The following NFIB variants were observed in gnomAD, a reference collection of about 807,000 sequenced individuals.
NFIB encodes nuclear factor I B.
In NFIB, 11 loss-of-function variants were observed where a neutral mutation model predicts 61.5. The observed-to-expected ratio is 0.18, with a 90% confidence interval of 0.11 to 0.30. The LOEUF is 0.30. NFIB is among the 10% of genes least tolerant of loss of function. The pLI is 1.00. For missense variants in NFIB, 471 were observed against 608.9 expected (o/e 0.77, Z 2.38); for synonymous variants, 260 against 216.5 (o/e 1.20, Z -1.76).
intron 2 of NFIB, among the ~76,000 whole-genome samples, chr9:14,295,958 C>T (rs1487086694): frequency 6.6e-6 from 1 of 152,082 alleles, no homozygotes; most frequent in Admixed American, 6.5e-5. Context: ...CTTCTAAAAC[C>T]ATACAATCAT....
intron 1 of NFIB, among the ~76,000 whole-genome samples, chr9:14,370,223 G>T (rs750995407): frequency 2.0e-5 from 3 of 152,118 alleles, no homozygotes; most frequent in Non-Finnish European, 2.9e-5. Context: ...ACCCCCATCG[G>T]ACTCAAGGAC....
At chr9:14,422,747 A>T in the NFIB span, among the ~76,000 whole-genome samples, 1 of 152,202 alleles carries the variant, frequency 6.6e-6, no homozygotes, top group East Asian at 1.9e-4. Flanking sequence ...ACCAGAATCC[A>T]GTGACCACTT....
intron 4 of NFIB, among the ~76,000 whole-genome samples, chr9:14,151,436 T>C (rs1375605888): frequency 6.6e-6 from 1 of 152,004 alleles, no homozygotes; most frequent in Admixed American, 6.6e-5. Flanking sequence ...TTGCCCTTAA[T>C]AAAAATATTG....
At chr9:14,252,664 T>TC (rs34439255) in intron 2 of NFIB, among the ~76,000 whole-genome samples, 3 of 151,782 alleles carry the variant, frequency 2.0e-5, no homozygotes, top group Non-Finnish European at 4.4e-5. Flanking sequence ...TATCTGTTAC[T>TC]ACTGGATACA....
In NFIB at chr9:14,313,232, C is replaced by T. The variant is rs1321443535; in HGVS notation, c.30+250G>A. ...ACAGGTCCCGGCCCTGCCCACCCCCCGGCGGCCTTGCCCGGCCCAGCGCCC... is the reference window on the plus strand; with the variant it reads ...ACAGGTCCCGGCCCTGCCCACCCCCTGGCGGCCTTGCCCGGCCCAGCGCCC... On this transcript the variant is annotated intron_variant, in intron 1 of 10. Transcript: ENST00000380953. This position sits in a 1 kb window ranked among gnomAD's most constrained non-coding sequence, Gnocchi z 4.5. 6.6e-6 allele frequency among the ~76,000 whole-genome samples: 1 copy of T among 151,674 alleles called. No individual in the cohort carries two copies. Among genetic ancestry groups the T allele is most frequent in the East Asian group, 1.9e-4 (1 of 5,168 alleles).
intron 2 of NFIB, among the ~76,000 whole-genome samples, chr9:14,232,195 A>T (rs2053269227): frequency 6.6e-6 from 1 of 152,198 alleles, no homozygotes; most frequent in South Asian, 2.1e-4. Flanking sequence ...GAAGAAAAAA[A>T]CGTATGCCAT....
At chr9:14,346,512 A>C (rs967727416) in intron 1 of NFIB, among the ~76,000 whole-genome samples, 2 of 152,064 alleles carry the variant, frequency 1.3e-5, no homozygotes, top group African/African-American at 4.8e-5. Flanking sequence ...CCCCAGGCCC[A>C]GCAGTCCACG....
At chr9:14,427,937 G>GTGTTTTTTTTTTT in the NFIB span, among the ~76,000 whole-genome samples, 1 of 43,384 alleles carries the variant, frequency 2.3e-5, no homozygotes, top group African/African-American at 7.8e-5. Context: ...TAATTCAGTT[G>GTGTTTTTTTTTTT]TTTTTTTTTT....
chr9:14,341,332 G>C (rs1461042482), intron 1 of NFIB, among the ~76,000 whole-genome samples: 2 of 152,160 alleles, frequency 1.3e-5, no homozygotes, highest in East Asian at 1.9e-4. Context: ...CAATGAGAAG[G>C]GGTGCTTCCA....
intron 4 of NFIB, among the ~76,000 whole-genome samples, chr9:14,155,555 A>G (rs893308088): frequency 1.4e-4 from 22 of 152,226 alleles, no homozygotes; most frequent in Non-Finnish European, 1.6e-4. Context: ...ATCTATGGTC[A>G]TGCAGAGAAC....
chr9:14,218,319 TAAC>T (rs2051196296), intron 2 of NFIB, among the ~76,000 whole-genome samples: 1 of 152,188 alleles, frequency 6.6e-6, no homozygotes. Flanking sequence ...TGACTCCAAA[TAAC>T]AACCTCAAAA....
intron 1 of NFIB, among the ~76,000 whole-genome samples, chr9:14,374,790 G>T (rs957895546): frequency 2.0e-5 from 3 of 152,148 alleles, no homozygotes; most frequent in Non-Finnish European, 4.4e-5. Context: ...TGTGCTTGTA[G>T]ATCCAGTTAC....
At chr9:14,510,542 A>G in the NFIB span, among the ~76,000 whole-genome samples, 419 of 152,350 alleles carry the variant, frequency 2.8e-3, 1 homozygote, top group Non-Finnish European at 4.7e-3. Context: ...TTTGCATATA[A>G]CATATTATAA....
chr9:14,204,464 C>T (rs1316172188), intron 2 of NFIB: 20 of 1,046,348 alleles, frequency 1.9e-5, no homozygotes, highest in South Asian at 2.5e-5. Context: ...CCTCTATAAG[C>T]GACTGAAAAT....
At chr9:14,481,221 A>G in the NFIB span, among the ~76,000 whole-genome samples, 9 of 99,350 alleles carry the variant, frequency 9.1e-5, no homozygotes, top group African/African-American at 1.8e-4. Context: ...ATATATATAT[A>G]TATATATATA....
At position 14,120,057 on chromosome 9, in the gene NFIB, G is replaced by C. The variant is rs573538150; in HGVS notation, c.1245+383C>G. On this transcript the variant is annotated intron_variant, in intron 8 of 10. Coordinates refer to ENST00000380953, the MANE Select transcript of NFIB (RefSeq NM_001190737.2). The surrounding 1 kb of genome is among the most constrained non-coding windows in gnomAD (Gnocchi z 4.4). The stretch of plus-strand genomic sequence containing the variant: ...TATAAATACAACTGTAAGTTCTTTT[G>C]TGTGTGTTTATTTTAGCACATACCT... Among the ~76,000 whole-genome samples the C allele has an allele frequency of 6.6e-6, 1 of 152,206 alleles. No individual in the cohort carries two copies. Among genetic ancestry groups the C allele is most frequent in the Non-Finnish European group, 1.5e-5 (1 of 68,006 alleles).
At chr9:14,286,628 T>A (rs1027191176) in intron 2 of NFIB, among the ~76,000 whole-genome samples, 2 of 152,180 alleles carry the variant, frequency 1.3e-5, no homozygotes, top group Non-Finnish European at 2.9e-5. Flanking sequence ...ATGGGAACAC[T>A]TAAGAAAAAA....
At chr9:14,101,972 C>A (rs920963757) in intron 10 of NFIB, among the ~76,000 whole-genome samples, 1 of 151,762 alleles carries the variant, frequency 6.6e-6, no homozygotes, top group African/African-American at 2.4e-5. Context: ...TTTTTTTTCC[C>A]TACAACAGGG....
the NFIB span, among the ~76,000 whole-genome samples, chr9:14,430,331 T>C: frequency 6.6e-6 from 1 of 151,908 alleles, no homozygotes; most frequent in Non-Finnish European, 1.5e-5. Context: ...TAAGACTTCT[T>C]CTTGCCATGG....
Sources: allele counts gnomAD v4.1 joint callset (sites outside exome capture counted in the v4.1 genomes callset), GRCh38; gene constraint gnomAD v4.1.1; non-coding constraint Gnocchi (gnomAD v3.1); transcripts MANE v1.5; gene names NCBI Gene and HGNC (gene_info 2026-07-23, HGNC 2026-07-21).